The following CLIP4 variants were observed in gnomAD, a reference collection of about 807,000 sequenced individuals.
CLIP4 encodes the protein CAP-Gly domain containing linker protein family member 4.
In CLIP4, 47 loss-of-function variants were observed where a neutral mutation model predicts 73.1. The observed-to-expected ratio is 0.64, with a 90% CI of 0.51 to 0.82. The LOEUF is 0.82. Among genes scored for constraint, CLIP4 ranks in the 40% least tolerant of loss-of-function variants. CLIP4 has a pLI of 0.00. For missense variants in CLIP4, 874 were observed against 852.9 expected, an observed-to-expected ratio of 1.02 and a Z score of -0.31; for synonymous variants, 306 against 295.4, an observed-to-expected ratio of 1.04 and a Z score of -0.37.
intron 15 of CLIP4, chr2:29,175,636 G>A (rs138586915): frequency 1.2e-4 from 18 of 152,294 alleles, no homozygotes; most frequent in Non-Finnish European, 2.6e-4. Context: ...TAGACGTGAG[G>A]TGGAAATATC....
intron 1 of CLIP4, among the ~76,000 whole-genome samples, chr2:29,108,647 T>G (rs1668301692): frequency 6.6e-6 from 1 of 152,208 alleles, no homozygotes; most frequent in Non-Finnish European, 1.5e-5. Context: ...TCTTTTTACA[T>G]CTATCCCTCC....
intron 15 of CLIP4, among the ~76,000 whole-genome samples, 187 bp from the exon 16 acceptor site, chr2:29,181,385 G>A (rs10178180): frequency 0.23 from 35,403 of 152,038 alleles, 5,611 homozygotes; most frequent in East Asian, 0.7. Context: ...AACCTGTGTA[G>A]TTCATGGGTC....
chr2:29,137,129 CA>C (rs1665422513), intron 6 of CLIP4, among the ~76,000 whole-genome samples: 1 of 151,958 alleles, frequency 6.6e-6, no homozygotes. Context: ...TTGACGCCGT[CA>C]CCCAAACAGT....
At chr2:29,113,151 T>G (rs1348846350), upstream of CLIP4, among the ~76,000 whole-genome samples, 2 of 152,210 alleles carry the variant, frequency 1.3e-5, no homozygotes, top group Admixed American at 1.3e-4. This position sits in a 1 kb window ranked among gnomAD's most constrained non-coding sequence, Gnocchi z 4.0. Flanking sequence ...AGAGTCTGCT[T>G]CTTCATTTGT....
intron 1 of CLIP4, among the ~76,000 whole-genome samples, chr2:29,120,800 C>A (rs1162112150): frequency 6.6e-6 from 1 of 152,232 alleles, no homozygotes; most frequent in East Asian, 1.9e-4. Flanking sequence ...GGCATGGCTT[C>A]CATCTTTGGC....
At chr2:29,160,230 AC>A in intron 11 of CLIP4, 102 bp from the exon 12 acceptor site, 1 of 1,390,826 alleles carries the variant, frequency 7.2e-7, no homozygotes, top group Non-Finnish European at 1.0e-6. Context: ...TAGTTAGAAT[AC>A]CTAGTGTGAT....
At chr2:29,141,062 T>C (rs1210219635) in intron 6 of CLIP4, among the ~76,000 whole-genome samples, 1 of 151,802 alleles carries the variant, frequency 6.6e-6, no homozygotes, top group Non-Finnish European at 1.5e-5. Flanking sequence ...TTTTTTTGAA[T>C]TCTGCCTTAA....
At position 29,135,644 on chromosome 2, in the gene CLIP4, A is replaced by G; in HGVS notation, c.626A>G (p.Gln209Arg). Residue 209 changes from glutamine to arginine, a missense_variant, in exon 6 of 16, where the codon CAG (glutamine) becomes CGG (arginine). Gln to Arg is a conservative substitution (Grantham distance 43). Transcript: ENST00000320081. The stretch of plus-strand genomic sequence containing the variant: ...GGTGCTGTGAAGTGCCTCTTGGAGC[A>G]GGGAGCAAATCCTGCATTTAGGGTA... ...CAGAVKCLLE[Q>R]GANPAFRNDK... 4 of 1,609,550 alleles carry G rather than the reference A, an allele frequency of 2.5e-6. No individual in the cohort carries two copies. Among genetic ancestry groups the G allele is most frequent in the Non-Finnish European group, 3.4e-6 (4 of 1,178,050 alleles).
intron 14 of CLIP4, 193 bp downstream of exon 14, chr2:29,167,733 A>T (rs1667720352): frequency 2.3e-6 from 1 of 435,808 alleles, no homozygotes; most frequent in Non-Finnish European, 4.0e-6. Context: ...GAAACCCCTG[A>T]GTACCCCATC....
rs1386311249 is a variant in CLIP4 at position 29,145,870 on chromosome 2, C to G, written c.1021+503C>G. On this transcript the variant is annotated intron_variant, in intron 8 of 15. Transcript: ENST00000320081. Reference sequence around the variant, plus strand: ...ATAATTGTTGTATTTTCAGTAGAGACAGGGTTTCGCCATGTTGGCCAGACT... The same window carrying G: ...ATAATTGTTGTATTTTCAGTAGAGAGAGGGTTTCGCCATGTTGGCCAGACT... Among the ~76,000 whole-genome samples the G allele has an allele frequency of 2.0e-5, 3 of 152,184 alleles. No individual in the cohort carries two copies. In the East Asian group the frequency reaches 5.8e-4, roughly 29 times the overall value.
intron 15 of CLIP4, among the ~76,000 whole-genome samples, chr2:29,178,167 A>G (rs1279430676): frequency 6.6e-6 from 1 of 151,878 alleles, no homozygotes; most frequent in African/African-American, 2.4e-5. Context: ...TTGTTTTCCT[A>G]ATGCATGTGT....
chr2:29,124,741 T>C (rs1007761084), intron 2 of CLIP4, among the ~76,000 whole-genome samples: 1 of 152,240 alleles, frequency 6.6e-6, no homozygotes. Flanking sequence ...AGTGCAGTTT[T>C]CATTTCAGAT....
At chr2:29,136,876 G>A (rs1277530896) in intron 6 of CLIP4, among the ~76,000 whole-genome samples, 1 of 151,756 alleles carries the variant, frequency 6.6e-6, no homozygotes, top group African/African-American at 2.4e-5. Flanking sequence ...AGGATGCCAT[G>A]AGATACGTTA....
intron 1 of CLIP4, among the ~76,000 whole-genome samples, chr2:29,120,276 T>G (rs56188369): frequency 0.22 from 33,177 of 152,056 alleles, 4,033 homozygotes; most frequent in African/African-American, 0.32. Flanking sequence ...AAAGAAAGCC[T>G]CCTACTTTTT....
At chr2:29,140,671 G>T (rs946536210) in intron 6 of CLIP4, among the ~76,000 whole-genome samples, 1 of 152,092 alleles carries the variant, frequency 6.6e-6, no homozygotes, top group Admixed American at 6.6e-5. Flanking sequence ...TTCCACAATG[G>T]TTGAACTAGT....
In CLIP4 at chr2:29,133,732, A is replaced by T. The variant is rs755456404; in HGVS notation, c.445A>T (p.Thr149Ser). 1 of 1,613,870 alleles carries T rather than the reference A, an allele frequency of 6.2e-7. No individual in the cohort carries two copies. Among genetic ancestry groups the T allele is most frequent in the Non-Finnish European group, 8.5e-7 (1 of 1,179,890 alleles). Residue 149 changes from threonine to serine, a missense_variant, in exon 5 of 16, where the codon ACA (threonine) becomes TCA (serine). Coordinates refer to ENST00000320081, the MANE Select transcript of CLIP4 (RefSeq NM_024692.6). Reference sequence around the variant, plus strand: ...AGACATTAGTTTGCGGAGTCGCTGGACAAACATGAATGCTTTGCATTATGC... The same window carrying T: ...AGACATTAGTTTGCGGAGTCGCTGGTCAAACATGAATGCTTTGCATTATGC... ...GADISLRSRW[T>S]NMNALHYAAY... is the part of the protein sequence containing the mutation.
At chr2:29,161,421 AT>A (rs1328161693) in intron 12 of CLIP4, among the ~76,000 whole-genome samples, 3 of 151,944 alleles carry the variant, frequency 2.0e-5, no homozygotes, top group Non-Finnish European at 4.4e-5. Flanking sequence ...TAGAACATTG[AT>A]TAAAAAAAAA....
At chr2:29,180,526 A>G (rs1045980393) in intron 15 of CLIP4, among the ~76,000 whole-genome samples, 3 of 152,192 alleles carry the variant, frequency 2.0e-5, no homozygotes, top group Non-Finnish European at 2.9e-5. Flanking sequence ...AGGGTGCTAA[A>G]CCTTTAACCG....
intron 13 of CLIP4, among the ~76,000 whole-genome samples, chr2:29,164,789 C>T (rs1263359547): frequency 6.6e-6 from 1 of 152,154 alleles, no homozygotes; most frequent in Non-Finnish European, 1.5e-5. Context: ...ATTTCTCCCT[C>T]AATTTCTTTT....
Sources: allele counts gnomAD v4.1 joint callset (sites outside exome capture counted in the v4.1 genomes callset), GRCh38; gene constraint gnomAD v4.1.1; non-coding constraint Gnocchi (gnomAD v3.1); transcripts MANE v1.5; gene names NCBI Gene and HGNC (gene_info 2026-07-23, HGNC 2026-07-21).